Variants in OPCML observed in about 807,000 individuals in gnomAD.
OPCML encodes the protein opioid-binding protein/cell adhesion molecule.
A neutral mutation model predicts 37.8 loss-of-function variants in OPCML; 13 were observed. That is an observed-to-expected ratio of 0.34 (90% CI 0.22 to 0.55). The LOEUF is 0.55. Among genes scored for constraint, OPCML ranks in the 20% least tolerant of loss-of-function variants. The probability of loss-of-function intolerance (pLI) is 0.91; values close to 1 mark genes in which losing one functional copy is unlikely to be tolerated. For missense variants in OPCML, 341 were observed against 435.6 expected, an observed-to-expected ratio of 0.78 and a Z score of 1.93; for synonymous variants, 176 against 168.8, an observed-to-expected ratio of 1.04 and a Z score of -0.33.
intron 1 of OPCML, among the ~76,000 whole-genome samples, chr11:133,107,121 A>C (rs1949171652): frequency 6.6e-6 from 1 of 152,190 alleles, no homozygotes; most frequent in South Asian, 2.1e-4. Flanking sequence ...TTCTCCATCC[A>C]AGAGGAAGAT....
intron 1 of OPCML, among the ~76,000 whole-genome samples, chr11:132,979,087 C>G (rs1946527632): frequency 6.6e-6 from 1 of 152,178 alleles, no homozygotes; most frequent in African/African-American, 2.4e-5. Flanking sequence ...CATACCCGGC[C>G]CATCAACAAC....
chr11:132,848,300 C>T (rs1004113553), intron 2 of OPCML, among the ~76,000 whole-genome samples: 7 of 152,176 alleles, frequency 4.6e-5, no homozygotes, highest in African/African-American at 1.4e-4. Flanking sequence ...GCTGTGAACA[C>T]AATTTCTACA....
intron 1 of OPCML, among the ~76,000 whole-genome samples, chr11:133,028,434 C>T (rs1047403015): frequency 2.0e-5 from 3 of 152,040 alleles, no homozygotes; most frequent in African/African-American, 4.8e-5. Flanking sequence ...AATCCCACCA[C>T]GCCACTCACT....
intron 4 of OPCML, among the ~76,000 whole-genome samples, chr11:132,498,752 T>A (rs979640847): frequency 2.2e-5 from 3 of 139,106 alleles, no homozygotes; most frequent in Non-Finnish European, 4.4e-5. Flanking sequence ...AATATGGCTC[T>A]TAGGCATATA....
At chr11:132,518,864 G>A (rs998891807) in intron 4 of OPCML, among the ~76,000 whole-genome samples, 8 of 152,134 alleles carry the variant, frequency 5.3e-5, no homozygotes, top group African/African-American at 1.7e-4. Context: ...TTAAATGAGT[G>A]AATGAATGAG....
chr11:133,351,156 G>A (rs2136692278), intron 1 of OPCML, among the ~76,000 whole-genome samples: 1 of 152,322 alleles, frequency 6.6e-6, no homozygotes, highest in Non-Finnish European at 1.5e-5. Flanking sequence ...TTTAGGAACA[G>A]CAAATGGCCT....
At chr11:133,180,254 C>T (rs1420120317) in intron 1 of OPCML, among the ~76,000 whole-genome samples, 1 of 152,112 alleles carries the variant, frequency 6.6e-6, no homozygotes, top group Non-Finnish European at 1.5e-5. Context: ...CTCACGTGTG[C>T]GTTCAGACCT....
chr11:133,458,560 TACACATATATACACGTGTGTGTAC>T (rs1946763712), intron 1 of OPCML, among the ~76,000 whole-genome samples: 4 of 110,750 alleles, frequency 3.6e-5, no homozygotes, highest in Non-Finnish European at 6.4e-5. Flanking sequence ...TGTGTGTGTA[TACACATATATACACGTGTGTGTAC>T]ACATATATAC....
intron 1 of OPCML, among the ~76,000 whole-genome samples, chr11:133,060,335 T>A (rs558194260): frequency 6.6e-6 from 1 of 152,302 alleles, no homozygotes; most frequent in East Asian, 1.9e-4. Flanking sequence ...AATGATTCCT[T>A]CTGTCCTTCA....
At chr11:133,178,785 G>T (rs929956688) in intron 1 of OPCML, among the ~76,000 whole-genome samples, 12 of 152,058 alleles carry the variant, frequency 7.9e-5, no homozygotes, top group African/African-American at 2.9e-4. Context: ...ATAGTTTGGG[G>T]GAGTTTAATA....
At chr11:132,767,219 TAC>T (rs1431060045) in intron 2 of OPCML, among the ~76,000 whole-genome samples, 4 of 152,184 alleles carry the variant, frequency 2.6e-5, no homozygotes, top group Non-Finnish European at 5.9e-5. Context: ...GTAGACTATT[TAC>T]AGTTACAAGA....
intron 1 of OPCML, among the ~76,000 whole-genome samples, chr11:133,475,229 T>C (rs998831811): frequency 7.2e-6 from 1 of 138,696 alleles, no homozygotes; most frequent in Non-Finnish European, 1.5e-5. Flanking sequence ...TTGTTGTTTT[T>C]TTGTTGTTGT....
chr11:133,082,994 C>G (rs1489678243), intron 1 of OPCML, among the ~76,000 whole-genome samples: 2 of 151,260 alleles, frequency 1.3e-5, no homozygotes, highest in African/African-American at 4.8e-5. Context: ...CAGAGGGCGC[C>G]CGTCAGCGCC....
intron 1 of OPCML, among the ~76,000 whole-genome samples, chr11:133,388,541 G>T (rs1945104799): frequency 6.6e-6 from 1 of 152,194 alleles, no homozygotes; most frequent in African/African-American, 2.4e-5. Flanking sequence ...GTCATAACCA[G>T]GTGTAACACT....
intron 3 of OPCML, among the ~76,000 whole-genome samples, chr11:132,628,814 T>C (rs1204297799): frequency 6.6e-6 from 1 of 152,140 alleles, no homozygotes; most frequent in Non-Finnish European, 1.5e-5. Flanking sequence ...TGTCACGAGA[T>C]CTGCTGGTTT....
At chr11:132,702,346 C>G (rs765870991) in intron 2 of OPCML, among the ~76,000 whole-genome samples, 3 of 152,166 alleles carry the variant, frequency 2.0e-5, no homozygotes, top group Non-Finnish European at 4.4e-5. Flanking sequence ...TTTAACGCTT[C>G]TTTCCCCCAG....
At chr11:132,557,293 G>C (rs1206325294) in intron 3 of OPCML, among the ~76,000 whole-genome samples, 1 of 152,198 alleles carries the variant, frequency 6.6e-6, no homozygotes. Context: ...TTTCTCCTCA[G>C]TCGTAGAGGG....
chr11:132,906,174 A>G (rs1944234348), intron 2 of OPCML, among the ~76,000 whole-genome samples: 2 of 152,150 alleles, frequency 1.3e-5, no homozygotes, highest in South Asian at 4.1e-4. Context: ...GCATTAATCC[A>G]TGGCTAAAAC....
chr11:133,313,944 T>G (rs1002415815), intron 1 of OPCML, among the ~76,000 whole-genome samples: 1 of 152,172 alleles, frequency 6.6e-6, no homozygotes, highest in African/African-American at 2.4e-5. Flanking sequence ...GCTATAAGAA[T>G]ACGATTTCAG....
Sources: allele counts gnomAD v4.1 joint callset (sites outside exome capture counted in the v4.1 genomes callset), GRCh38; gene constraint gnomAD v4.1.1; transcripts MANE v1.5; gene names NCBI Gene and HGNC (gene_info 2026-07-23, HGNC 2026-07-21).